FBXL7: variants seen among roughly 807,000 people sequenced by gnomAD.
The protein encoded by FBXL7 is F-box and leucine rich repeat protein 7.
Under a neutral mutation model 38.3 loss-of-function variants are expected in FBXL7, and 12 were observed. The ratio of observed to expected loss-of-function variants is 0.31; its 90% CI spans 0.20 to 0.51. FBXL7 has a LOEUF of 0.51. Among genes scored for constraint, FBXL7 ranks in the 20% least tolerant of loss-of-function variants. The pLI is 0.98. For synonymous variants in FBXL7, 297 were observed against 300.9 expected, an observed-to-expected ratio of 0.99 and a Z score of 0.13; for missense variants, 567 against 676.4, an observed-to-expected ratio of 0.84 and a Z score of 1.79.
chr5:15,568,454 A>T (rs1738659865), intron 1 of FBXL7, among the ~76,000 whole-genome samples: 1 of 151,514 alleles, frequency 6.6e-6, no homozygotes, highest in Non-Finnish European at 1.5e-5. Context: ...TTTTCTTGTA[A>T]ATTTGTTTGA....
chr5:15,890,959 GAA>G (rs74311286), intron 2 of FBXL7, among the ~76,000 whole-genome samples: 1 of 151,574 alleles, frequency 6.6e-6, no homozygotes, highest in African/African-American at 2.4e-5. Flanking sequence ...TAGATAATTA[GAA>G]AAAAAAACTT....
In FBXL7 at chr5:15,500,564, G is replaced by C. The variant is rs572576226; in HGVS notation, c.-113G>C. On this transcript the variant is annotated 5_prime_UTR_variant, in exon 1 of 4. Transcript: ENST00000504595. Reference sequence around the variant, plus strand: ...GCCGGAGGTCGGCCCCGGAGCTTGGGGGGGATGTGCAGCTAACGGTCCCGT... The same window carrying C: ...GCCGGAGGTCGGCCCCGGAGCTTGGCGGGGATGTGCAGCTAACGGTCCCGT... 9.7e-5 allele frequency: 141 copies of C among 1,458,360 alleles called. No homozygotes were observed. In the East Asian group the frequency reaches 3.0e-3, roughly 31 times the overall value. The allele number at this position is 1,458,360 out of a possible 1,614,324, so 90.3% of individuals were successfully genotyped here.
At chr5:15,529,840 A>G (rs1737368947) in intron 1 of FBXL7, among the ~76,000 whole-genome samples, 1 of 152,184 alleles carries the variant, frequency 6.6e-6, no homozygotes, top group South Asian at 2.1e-4. Context: ...GGTGTTGTAT[A>G]TACTCTCGTT....
Position 15,672,743 on chromosome 5 carries a change from G to A in FBXL7, c.127+56671G>A, listed in dbSNP as rs973828387. On this transcript the variant is annotated intron_variant, in intron 2 of 3. Coordinates refer to ENST00000504595, the MANE Select transcript of FBXL7 (RefSeq NM_012304.5). ...CTAATTTTTTATTTTTAGTAGAGAT[G>A]GGGTTTCACCATGCTGGCCAGGCTG... Among the ~76,000 whole-genome samples the A allele has an allele frequency of 5.3e-5, 8 of 151,900 alleles. No individual in the cohort carries two copies. In the South Asian group the frequency reaches 1.5e-3, roughly 28 times the overall value.
chr5:15,842,493 A>G (rs1232428608), intron 2 of FBXL7, among the ~76,000 whole-genome samples: 3 of 152,178 alleles, frequency 2.0e-5, no homozygotes, highest in African/African-American at 4.8e-5. Context: ...AAATGAGTTA[A>G]GACTTTGGGT....
At chr5:15,880,450 G>A (rs945963149) in intron 2 of FBXL7, among the ~76,000 whole-genome samples, 2 of 152,194 alleles carry the variant, frequency 1.3e-5, no homozygotes, top group Non-Finnish European at 2.9e-5. Flanking sequence ...GTGCTACTCT[G>A]TGAACAGGTG....
chr5:15,600,423 G>A (rs1414372909), intron 1 of FBXL7, among the ~76,000 whole-genome samples: 1 of 152,174 alleles, frequency 6.6e-6, no homozygotes, highest in Non-Finnish European at 1.5e-5. Context: ...TGGGAAATCG[G>A]CTTTCAAGGT....
chr5:15,758,700 T>G (rs2126695475), intron 2 of FBXL7, among the ~76,000 whole-genome samples: 1 of 152,296 alleles, frequency 6.6e-6, no homozygotes, highest in South Asian at 2.1e-4. Flanking sequence ...AACACGGACT[T>G]AATAAAATGT....
intron 2 of FBXL7, among the ~76,000 whole-genome samples, chr5:15,779,063 T>C (rs189713031): frequency 1.3e-5 from 2 of 152,068 alleles, no homozygotes; most frequent in Non-Finnish European, 2.9e-5. Flanking sequence ...ACATATACGC[T>C]TAGGATGGGT....
At chr5:15,878,247 A>G (rs1338497073) in intron 2 of FBXL7, among the ~76,000 whole-genome samples, 3 of 152,222 alleles carry the variant, frequency 2.0e-5, no homozygotes, top group Non-Finnish European at 4.4e-5. Flanking sequence ...AGTTACTTCT[A>G]CAGTAGCTAT....
At chr5:15,588,011 T>G (rs1457077598) in intron 1 of FBXL7, among the ~76,000 whole-genome samples, 1 of 152,198 alleles carries the variant, frequency 6.6e-6, no homozygotes, top group Non-Finnish European at 1.5e-5. Flanking sequence ...AAAACCTCAC[T>G]GTTATGCCAG....
intron 1 of FBXL7, among the ~76,000 whole-genome samples, chr5:15,578,542 T>C (rs985121588): frequency 7.2e-5 from 11 of 152,072 alleles, no homozygotes; most frequent in Admixed American, 6.6e-4. Context: ...TGGCCTCAGG[T>C]GTGGTTCTGG....
intron 2 of FBXL7, among the ~76,000 whole-genome samples, chr5:15,672,398 T>A (rs1332480749): frequency 6.6e-6 from 1 of 152,212 alleles, no homozygotes; most frequent in African/African-American, 2.4e-5. Flanking sequence ...TAGTATTGCA[T>A]CTCTTTTTCC....
At chr5:15,875,952 C>T (rs556199771) in intron 2 of FBXL7, among the ~76,000 whole-genome samples, 4 of 152,258 alleles carry the variant, frequency 2.6e-5, no homozygotes, top group South Asian at 2.1e-4. Context: ...CACATGCACA[C>T]GTATGTTTAT....
intron 1 of FBXL7, among the ~76,000 whole-genome samples, chr5:15,555,440 G>A (rs1299740061): frequency 6.6e-6 from 1 of 152,248 alleles, no homozygotes; most frequent in South Asian, 2.1e-4. Flanking sequence ...AGTTGGGCTC[G>A]CAGTCTTTAA....
chr5:15,598,557 G>T (rs905142277), intron 1 of FBXL7, among the ~76,000 whole-genome samples: 1 of 152,094 alleles, frequency 6.6e-6, no homozygotes, highest in African/African-American at 2.4e-5. Context: ...GGTGGGTGTT[G>T]GGACCCATTA....
intron 2 of FBXL7, 99 bp downstream of exon 2, chr5:15,616,171 G>A: frequency 1.3e-6 from 1 of 764,632 alleles, no homozygotes. Context: ...ATTCTCCTGA[G>A]TGGGAGCATA....
At position 15,652,053 on chromosome 5, in the gene FBXL7, A is replaced by G. The variant is rs142802792; in HGVS notation, c.127+35981A>G. Among the ~76,000 whole-genome samples the G allele has an allele frequency of 1.7e-3, 265 of 152,212 alleles. 2 individuals carry two copies. The highest frequency in any genetic ancestry group is 5.8e-3 in the African/African-American group (240 of 41,548). On this transcript the variant is annotated intron_variant, in intron 2 of 3. Coordinates refer to ENST00000504595, the MANE Select transcript of FBXL7 (RefSeq NM_012304.5). ...ATGATCCAACCTCCCTTAGCTTCCAACTTTTCTTCTGCAGCATTCTCACTT... is the reference window on the plus strand; with the variant it reads ...ATGATCCAACCTCCCTTAGCTTCCAGCTTTTCTTCTGCAGCATTCTCACTT...
intron 2 of FBXL7, among the ~76,000 whole-genome samples, chr5:15,885,032 C>T (rs1546365): frequency 1 from 152,219 of 152,318 alleles, 76,061 homozygotes; most frequent in Non-Finnish European, 1. Flanking sequence ...TTTTTGAGGG[C>T]CAGGAATTGG....
Sources: gnomAD v4.1 joint callset for allele counts (sites outside exome capture counted in the v4.1 genomes callset) on GRCh38, gnomAD v4.1.1 for gene constraint, MANE v1.5 for transcripts, NCBI Gene and HGNC (gene_info 2026-07-23, HGNC 2026-07-21) for gene names.